The following TTC6 variants were observed in gnomAD, a reference collection of about 807,000 sequenced individuals.
TTC6 encodes the protein tetratricopeptide repeat domain 6, also known as tetratricopeptide repeat protein 6.
TTC6 carries 172 observed loss-of-function variants against 210.4 expected under a neutral mutation model. That is an observed-to-expected ratio of 0.82 (90% CI 0.72 to 0.93). The LOEUF (loss-of-function observed/expected upper bound fraction) is 0.93. TTC6 is among the 40% of genes least tolerant of loss of function. The pLI, the probability that TTC6 is intolerant of heterozygous loss-of-function variation, is 0.00. For synonymous variants in TTC6, 804 were observed against 819.6 expected (o/e 0.98, Z 0.32); for missense variants, 2,414 against 2,318.1 (o/e 1.04, Z -0.85).
intron 1 of TTC6, among the ~76,000 whole-genome samples, chr14:37,636,179 G>A (rs1364153364): frequency 1.3e-5 from 2 of 151,988 alleles, no homozygotes; most frequent in African/African-American, 4.8e-5. Context: ...AGTTAAAAAC[G>A]CGTAACACCC....
At chr14:37,755,193 A>G (rs1309332722) in intron 14 of TTC6, among the ~76,000 whole-genome samples, 1 of 152,030 alleles carries the variant, frequency 6.6e-6, no homozygotes, top group Non-Finnish European at 1.5e-5. Flanking sequence ...TCTTTTGAGA[A>G]GTGTATGTTC....
intron 23 of TTC6, among the ~76,000 whole-genome samples, 190 bp downstream of exon 25, chr14:37,807,650 A>T (rs114365038): frequency 8.0e-4 from 122 of 152,246 alleles, no homozygotes; most frequent in African/African-American, 2.8e-3. Context: ...TTTATTTTTG[A>T]CATTTACATT....
At chr14:37,619,664 C>T (rs1239112204), upstream of TTC6, among the ~76,000 whole-genome samples, 1 of 152,000 alleles carries the variant, frequency 6.6e-6, no homozygotes, top group Non-Finnish European at 1.5e-5. Flanking sequence ...TCCTTTTTCT[C>T]ACTTTCTCAG....
At chr14:37,660,282 G>A (rs1595072772) in intron 1 of TTC6, among the ~76,000 whole-genome samples, 1 of 151,632 alleles carries the variant, frequency 6.6e-6, no homozygotes, top group East Asian at 1.9e-4. Flanking sequence ...GGTTTGTTAT[G>A]TAGGTAAACG....
intron 15 of TTC6, among the ~76,000 whole-genome samples, chr14:37,789,302 G>C (rs1320940872): frequency 6.7e-6 from 1 of 149,598 alleles, no homozygotes; most frequent in Non-Finnish European, 1.5e-5. Flanking sequence ...AGCACAGAGA[G>C]GTTAAATAAT....
exon 11 of TTC6, chr14:37,748,945 A>G (rs968467357): frequency 4.1e-6 from 6 of 1,474,608 alleles, no homozygotes; most frequent in Admixed American, 2.6e-5. Context: ...CTAGATCAGC[A>G]TCTCATGGAA....
intron 20 of TTC6, among the ~76,000 whole-genome samples, chr14:37,797,244 T>C (rs2096094815): frequency 6.6e-6 from 1 of 152,016 alleles, no homozygotes; most frequent in Admixed American, 6.6e-5. Flanking sequence ...AAATGACGCG[T>C]TGTTTCATAG....
At chr14:37,697,062 T>G (rs187446788) in intron 4 of TTC6, among the ~76,000 whole-genome samples, 1 of 152,152 alleles carries the variant, frequency 6.6e-6, no homozygotes, top group Non-Finnish European at 1.5e-5. Flanking sequence ...ACTTTCATGA[T>G]GTAACAATAG....
chr14:37,672,032 T>C (rs926334442), intron 1 of TTC6, among the ~76,000 whole-genome samples: 3 of 152,146 alleles, frequency 2.0e-5, no homozygotes, highest in Admixed American at 2.0e-4. Flanking sequence ...CTTGGGCAGT[T>C]CTTTATAGGA....
chr14:37,746,677 A>T (rs1393348999), intron 10 of TTC6, among the ~76,000 whole-genome samples: 1 of 152,108 alleles, frequency 6.6e-6, no homozygotes, highest in Non-Finnish European at 1.5e-5. Flanking sequence ...AGGCTGAGGG[A>T]CTGTAATGGC....
rs142177614 is a variant in TTC6 at position 37,665,189 on chromosome 14, A to T, written c.940-14962A>T. Among the ~76,000 whole-genome samples the T allele has an allele frequency of 7.3e-5, 11 of 150,676 alleles. No individual in the cohort carries two copies. In the East Asian group the frequency reaches 2.1e-3, roughly 29 times the overall value. ...ATATAAATCATTCTACCATAAAGAT[A>T]CATGCATGCAAATGTTCATTGCAGC... On this transcript the variant is annotated intron_variant, in intron 1 of 30. Coordinates refer to ENST00000553443, the Ensembl canonical transcript of TTC6.
At chr14:37,840,579 C>T (rs2096207673) in intron 29 of TTC6, among the ~76,000 whole-genome samples, 1 of 152,002 alleles carries the variant, frequency 6.6e-6, no homozygotes, top group Admixed American at 6.6e-5. Context: ...CCCTGATGAA[C>T]ATAGATGCGA....
At chr14:37,674,338 T>C (rs1411429217) in intron 1 of TTC6, among the ~76,000 whole-genome samples, 1 of 152,184 alleles carries the variant, frequency 6.6e-6, no homozygotes, top group Admixed American at 6.6e-5. Flanking sequence ...GGTTAGTTCA[T>C]TTCTTATAAT....
intron 29 of TTC6, among the ~76,000 whole-genome samples, chr14:37,829,420 TGTA>T (rs2096179655): frequency 6.6e-6 from 1 of 152,004 alleles, no homozygotes; most frequent in Admixed American, 6.6e-5. Context: ...ATAGTTTTGT[TGTA>T]GTGATTATCT....
chr14:37,660,554 G>A (rs1341486687), intron 1 of TTC6, among the ~76,000 whole-genome samples: 1 of 152,154 alleles, frequency 6.6e-6, no homozygotes, highest in Non-Finnish European at 1.5e-5. Flanking sequence ...GTATTCCATG[G>A]TGTATATGTA....
At chr14:37,810,901 CA>C (rs2096128239) in intron 24 of TTC6, among the ~76,000 whole-genome samples, 3 of 152,188 alleles carry the variant, frequency 2.0e-5, no homozygotes, top group Admixed American at 1.3e-4. Context: ...CTAAATGCTT[CA>C]CTGACATACA....
At chr14:37,790,690 G>A (rs1330080594) in intron 15 of TTC6, 27 bp from the exon 18 acceptor site, 6 of 1,516,526 alleles carry the variant, frequency 4.0e-6, no homozygotes, top group Non-Finnish European at 5.3e-6. Context: ...GAACCTGAAT[G>A]AAATACATTT....
intron 14 of TTC6, among the ~76,000 whole-genome samples, chr14:37,785,138 C>T (rs570798195): frequency 1.3e-5 from 2 of 152,096 alleles, no homozygotes. Context: ...TTGTGACATT[C>T]TCTGTGTTTC....
At chr14:37,671,968 C>G (rs148193154) in intron 1 of TTC6, among the ~76,000 whole-genome samples, 3,566 of 152,166 alleles carry the variant, frequency 0.023, 75 homozygotes, top group Non-Finnish European at 0.036. Flanking sequence ...TGAGGGCTCC[C>G]CAGCCATGCA....
Sources: allele counts gnomAD v4.1 joint callset (sites outside exome capture counted in the v4.1 genomes callset), GRCh38; gene constraint gnomAD v4.1.1; transcripts MANE v1.5; gene names NCBI Gene and HGNC (gene_info 2026-07-23, HGNC 2026-07-21).